The following CRTAC1 variants were observed in gnomAD, a reference collection of about 807,000 sequenced individuals.
The protein encoded by CRTAC1 is acidic secreted protein in cartilage.
CRTAC1 carries 37 observed loss-of-function variants against 67.8 expected under a neutral mutation model. That is an observed-to-expected ratio of 0.55 (90% CI 0.42 to 0.72). CRTAC1 has a LOEUF of 0.72. CRTAC1 is among the 30% of genes least tolerant of loss of function. The probability of loss-of-function intolerance (pLI) is 0.00; values close to 1 mark genes in which losing one functional copy is unlikely to be tolerated. For missense variants in CRTAC1, 780 were observed against 931.6 expected (o/e 0.84, Z 2.12); for synonymous variants, 348 against 371.0 (o/e 0.94, Z 0.71).
At chr10:97,998,766 TTTA>T (rs1224642072) in intron 2 of CRTAC1, among the ~76,000 whole-genome samples, 3 of 152,194 alleles carry the variant, frequency 2.0e-5, no homozygotes, top group Non-Finnish European at 4.4e-5. Context: ...ATTATTAATT[TTTA>T]TTATTATAAC....
intron 1 of CRTAC1, among the ~76,000 whole-genome samples, chr10:98,015,281 G>A (rs576519131): frequency 4.7e-4 from 72 of 152,262 alleles, no homozygotes; most frequent in African/African-American, 1.7e-3. Flanking sequence ...CCACTTCTAC[G>A]AGGTGTCCAG....
At chr10:98,010,170 G>T (rs1223413767) in intron 2 of CRTAC1, among the ~76,000 whole-genome samples, 1 of 151,982 alleles carries the variant, frequency 6.6e-6, no homozygotes, top group Non-Finnish European at 1.5e-5. Context: ...CACCTGAGTA[G>T]CTGGGATTAC....
rs767052783 is a variant in CRTAC1 at position 97,904,688 on chromosome 10, T to A, written c.977A>T (p.His326Leu). Residue 326 changes from histidine (H) to leucine (L), a missense_variant, in exon 7 of 15, where the codon CAT (histidine) becomes CTT (leucine). By Grantham distance (99) the His-to-Leu change is moderately conservative. Transcript: ENST00000370597. ...TCTTACCCGGAAGCGGACCTTCCCA[T>A]GGGTGCTCATTTGCAGATAGAGGCG... ...PHRLYLQMST[H>L]GKVRFRDIAS... is the part of the protein sequence containing the mutation. 2.5e-6 allele frequency: 4 copies of A among 1,582,448 alleles called. No individual in the cohort carries two copies. Among genetic ancestry groups the A allele is most frequent in the Non-Finnish European group, 3.4e-6 (4 of 1,167,030 alleles).
chr10:97,974,250 G>T (rs1362362370), intron 2 of CRTAC1, among the ~76,000 whole-genome samples: 1 of 152,168 alleles, frequency 6.6e-6, no homozygotes, highest in African/African-American at 2.4e-5. Flanking sequence ...GCGCCTGTCG[G>T]TGTGTAGTAG....
intron 2 of CRTAC1, among the ~76,000 whole-genome samples, chr10:97,942,901 A>G (rs1161578048): frequency 6.6e-6 from 1 of 151,820 alleles, no homozygotes; most frequent in Non-Finnish European, 1.5e-5. Flanking sequence ...ACCTGTCTCT[A>G]CAAAAAAATA....
chr10:98,000,061 A>T (rs1475179850), intron 2 of CRTAC1, among the ~76,000 whole-genome samples: 1 of 152,120 alleles, frequency 6.6e-6, no homozygotes, highest in Non-Finnish European at 1.5e-5. Flanking sequence ...CCTATGGGAG[A>T]CTGAGCTGTT....
chr10:98,020,796 C>T (rs1843102672), intron 1 of CRTAC1, among the ~76,000 whole-genome samples: 1 of 152,170 alleles, frequency 6.6e-6, no homozygotes, highest in Non-Finnish European at 1.5e-5. Flanking sequence ...GGAAGGAGTG[C>T]AGCAAAGGAG....
chr10:97,973,963 G>T (rs1375539571), intron 2 of CRTAC1, among the ~76,000 whole-genome samples: 3 of 93,580 alleles, frequency 3.2e-5, no homozygotes, highest in South Asian at 3.3e-4. Flanking sequence ...TCTCATAAAA[G>T]ATCCCATACC....
chr10:98,027,962 CTCA>C lies in CRTAC1; in HGVS notation c.24+2484_24+2486del, dbSNP rs577736275. Among the ~76,000 whole-genome samples the C allele has an allele frequency of 3.0e-3, 464 of 152,298 alleles. 4 individuals carry two copies. Among genetic ancestry groups the C allele is most frequent in the African/African-American group, 0.01 (424 of 41,566 alleles). ...CTTGGCTTTATCCAGCTTCAGTTTT[CTCA>C]TCTGTAAATTAAATGTGCATGTGAG... is the stretch of plus-strand genomic sequence containing the variant. On this transcript the variant is annotated intron_variant, in intron 1 of 14. Transcript: ENST00000370597.
At chr10:97,897,383 C>A (rs2050476315) in intron 8 of CRTAC1, among the ~76,000 whole-genome samples, 1 of 152,180 alleles carries the variant, frequency 6.6e-6, no homozygotes, top group African/African-American at 2.4e-5. Context: ...CTCCTCCATG[C>A]CCTCTTGGAC....
At chr10:98,018,231 A>G (rs112551065) in intron 1 of CRTAC1, among the ~76,000 whole-genome samples, 167 of 142,068 alleles carry the variant, frequency 1.2e-3, no homozygotes, top group African/African-American at 4.0e-3. Context: ...AAAAAAAAAA[A>G]AGAGAGAGAG....
At position 98,005,098 on chromosome 10, in the gene CRTAC1, A is replaced by ATT. The variant is rs1347220699; in HGVS notation, c.224+6039_224+6040insAA. On this transcript the variant is annotated intron_variant, in intron 2 of 14. Coordinates refer to ENST00000370597, the MANE Select transcript of CRTAC1 (RefSeq NM_018058.7). ...AAGTAATACATATATATATATATAT[A>ATT]TATTTTTTTTTTTTTTTTTTTTTGA... is the stretch of plus-strand genomic sequence containing the variant. Among the ~76,000 whole-genome samples the ATT allele has an allele frequency of 8.3e-3, 317 of 38,142 alleles. 5 individuals are homozygous for ATT. Among genetic ancestry groups the ATT allele is most frequent in the South Asian group, 0.038 (40 of 1,046 alleles). The allele number at this position is 38,142 out of a possible 152,430, so 25.0% of individuals were successfully genotyped here. A position where few individuals can be genotyped will look rare whatever the true frequency, so the allele number is the denominator to read the frequency against.
intron 2 of CRTAC1, among the ~76,000 whole-genome samples, chr10:97,949,632 A>T (rs961959878): frequency 6.6e-6 from 1 of 152,184 alleles, no homozygotes; most frequent in Admixed American, 6.5e-5. Context: ...AGAGCCCTGG[A>T]CTTGAAGTCA....
chr10:97,883,003 C>A (rs1217966061), intron 12 of CRTAC1, among the ~76,000 whole-genome samples, 175 bp from the exon 13 acceptor site: 3 of 152,246 alleles, frequency 2.0e-5, no homozygotes, highest in Admixed American at 2.0e-4. Context: ...GCGCTGAGAA[C>A]AGAAGGCTGG....
At chr10:97,964,009 C>G (rs1285146880) in intron 2 of CRTAC1, among the ~76,000 whole-genome samples, 1 of 152,178 alleles carries the variant, frequency 6.6e-6, no homozygotes, top group East Asian at 1.9e-4. Flanking sequence ...CTACACTCGC[C>G]CCACCTACCA....
At chr10:98,020,992 A>G (rs568768396) in intron 1 of CRTAC1, among the ~76,000 whole-genome samples, 18 of 151,074 alleles carry the variant, frequency 1.2e-4, no homozygotes, top group African/African-American at 3.7e-4. Flanking sequence ...GAGCAAGAAC[A>G]CTGGAGGCCA....
intron 3 of CRTAC1, among the ~76,000 whole-genome samples, chr10:97,925,035 G>C (rs1246786960): frequency 2.0e-5 from 3 of 152,190 alleles, no homozygotes; most frequent in Non-Finnish European, 4.4e-5. Flanking sequence ...GGGAGGCCAA[G>C]GCGGGCAGAT....
intron 5 of CRTAC1, among the ~76,000 whole-genome samples, chr10:97,908,371 C>T (rs555919205): frequency 2.3e-4 from 35 of 152,302 alleles, no homozygotes; most frequent in Middle Eastern, 6.8e-3. Context: ...GGAAGGAGCT[C>T]AACCGGGCAT....
chr10:97,930,713 A>G (rs2182159), intron 3 of CRTAC1, among the ~76,000 whole-genome samples: 119,725 of 152,078 alleles, frequency 0.79, 49,039 homozygotes, highest in Non-Finnish European at 0.89. Context: ...CTCTGCTGTG[A>G]GGGCAGAAGA....
Sources: gnomAD v4.1 joint callset for allele counts (sites outside exome capture counted in the v4.1 genomes callset) on GRCh38, gnomAD v4.1.1 for gene constraint, MANE v1.5 for transcripts, NCBI Gene and HGNC (gene_info 2026-07-23, HGNC 2026-07-21) for gene names.